The following RNF125 variants were observed in gnomAD, a reference collection of about 807,000 sequenced individuals.
The protein encoded by RNF125 is E3 ubiquitin-protein ligase RNF125.
A neutral mutation model predicts 26.0 loss-of-function variants in RNF125; 21 were observed. The observed-to-expected ratio is 0.81, with a 90% CI of 0.57 to 1.16. RNF125 has a LOEUF of 1.16. Among genes scored for constraint, RNF125 ranks in the 50% most tolerant of loss-of-function variants. The pLI, the probability that RNF125 is intolerant of heterozygous loss-of-function variation, is 0.00. For synonymous variants in RNF125, 95 were observed against 109.2 expected (o/e 0.87, Z 0.81); for missense variants, 270 against 299.4 (o/e 0.90, Z 0.72).
At chr18:32,052,637 T>C (rs1381151101) in intron 4 of RNF125, among the ~76,000 whole-genome samples, 1 of 152,186 alleles carries the variant, frequency 6.6e-6, no homozygotes, top group African/African-American at 2.4e-5. Context: ...CAAATGGCAC[T>C]TGTCATCACA....
chr18:32,061,276 G>A (rs573108059), intron 4 of RNF125, among the ~76,000 whole-genome samples: 31 of 151,632 alleles, frequency 2.0e-4, no homozygotes, highest in African/African-American at 7.3e-4. Context: ...CGCCCACCTT[G>A]CCCTCCCAAA....
downstream of RNF125, among the ~76,000 whole-genome samples, chr18:32,074,136 T>C (rs1323768112): frequency 6.6e-6 from 1 of 152,226 alleles, no homozygotes; most frequent in Non-Finnish European, 1.5e-5. Context: ...CTGTGGTTCC[T>C]GGCTCTTCTC....
intron 1 of RNF125, among the ~76,000 whole-genome samples, chr18:32,028,727 A>AT (rs988372541): frequency 2.7e-5 from 4 of 150,066 alleles, no homozygotes; most frequent in Non-Finnish European, 5.9e-5. Flanking sequence ...TAATTTTTGT[A>AT]TTTTTTAGTA....
intron 4 of RNF125, among the ~76,000 whole-genome samples, chr18:32,050,873 T>C (rs1398881616): frequency 8.6e-5 from 9 of 104,148 alleles, no homozygotes; most frequent in Non-Finnish European, 1.4e-4. Flanking sequence ...TGCTTTTTTT[T>C]TTTTTTTTTT....
At chr18:32,020,666 T>G (rs565469629) in intron 1 of RNF125, among the ~76,000 whole-genome samples, 1 of 151,758 alleles carries the variant, frequency 6.6e-6, no homozygotes, top group East Asian at 2.0e-4. Context: ...CCTAGCACTT[T>G]GGGAAGCCGA....
At chr18:32,079,518 A>T in the RNF125 span, among the ~76,000 whole-genome samples, 2 of 152,212 alleles carry the variant, frequency 1.3e-5, no homozygotes, top group Admixed American at 6.5e-5. Flanking sequence ...ATGGGGAGCA[A>T]AATTATAATG....
intron 4 of RNF125, among the ~76,000 whole-genome samples, chr18:32,052,377 C>T (rs148010875): frequency 0.07 from 10,581 of 151,302 alleles, 490 homozygotes; most frequent in Non-Finnish European, 0.1. Flanking sequence ...TCTGTAGTCC[C>T]GGCTGCTCAG....
the RNF125 span, among the ~76,000 whole-genome samples, chr18:32,085,420 C>T: frequency 7.8e-6 from 1 of 127,988 alleles, no homozygotes; most frequent in Non-Finnish European, 1.6e-5. Context: ...AGAGAGAAAG[C>T]TGGGTGAGGG....
In RNF125 at chr18:32,037,017, C is replaced by A. The variant is rs146166306; in HGVS notation, c.165-99C>A. 5.6e-4 allele frequency: 598 copies of A among 1,068,096 alleles called. 3 individuals carry two copies. In the African/African-American group the frequency reaches 8.4e-3, roughly 15 times the overall value. 66.2% of individuals were successfully genotyped at this position (1,068,096 alleles called of 1,614,324 possible). A position where few individuals can be genotyped will look rare whatever the true frequency, so the allele number is the denominator to read the frequency against. Reference sequence around the variant, plus strand: ...ATTTGGTAGTATGGCTCATGGGGTACGAGGTGTCATTAAATTACAGTTTAC... The same window carrying A: ...ATTTGGTAGTATGGCTCATGGGGTAAGAGGTGTCATTAAATTACAGTTTAC... On this transcript the variant is annotated intron_variant, in intron 1 of 5. Transcript: ENST00000217740.
chr18:32,073,052 T>C lies in RNF125; in HGVS notation c.*4668T>C, dbSNP rs569762002. 7.0e-6 allele frequency: 1 copy of C among 143,460 alleles called. No individual in the cohort carries two copies. The highest frequency in any genetic ancestry group is 2.3e-4 in the South Asian group (1 of 4,384). 8.9% of individuals were successfully genotyped at this position (143,460 alleles called of 1,614,324 possible). A position where few individuals can be genotyped will look rare whatever the true frequency, so the allele number is the denominator to read the frequency against. On this transcript the variant is annotated 3_prime_UTR_variant, in exon 6 of 6. Transcript: ENST00000217740. ...CATTGAAGGTATTTTAAAAAGTCAC[T>C]AAGAGATTCATTCTTTTATTATTCA... is the stretch of plus-strand genomic sequence containing the variant.
intron 1 of RNF125, chr18:32,030,933 C>T (rs559298975): frequency 1.3e-5 from 2 of 152,238 alleles, no homozygotes; most frequent in South Asian, 4.1e-4. Context: ...AACTCCTGGG[C>T]TCAAGTGATC....
chr18:32,055,542 C>T (rs538025598), intron 4 of RNF125, among the ~76,000 whole-genome samples: 14 of 152,174 alleles, frequency 9.2e-5, no homozygotes, highest in East Asian at 3.9e-4. Context: ...AGAATGAACG[C>T]GGGAGGAACT....
chr18:32,026,513 T>C (rs1239580389), intron 1 of RNF125, among the ~76,000 whole-genome samples: 1 of 152,134 alleles, frequency 6.6e-6, no homozygotes, highest in Non-Finnish European at 1.5e-5. Context: ...GTGCTGGGAT[T>C]ACAGGTGTGA....
chr18:32,038,743 G>A (rs2039186304), intron 2 of RNF125, among the ~76,000 whole-genome samples: 1 of 152,112 alleles, frequency 6.6e-6, no homozygotes, highest in Admixed American at 6.6e-5. Flanking sequence ...AAGTTTTGGA[G>A]TGCCAAGATC....
chr18:32,036,362 T>C (rs2039154135), intron 1 of RNF125, among the ~76,000 whole-genome samples: 2 of 151,774 alleles, frequency 1.3e-5, no homozygotes, highest in Non-Finnish European at 2.9e-5. Context: ...AAATAGATAT[T>C]ATGTGCTGAG....
intron 4 of RNF125, among the ~76,000 whole-genome samples, chr18:32,063,242 A>AAG (rs1555694374): frequency 6.6e-6 from 1 of 151,560 alleles, no homozygotes; most frequent in Admixed American, 6.6e-5. Context: ...AAAAAAAAAA[A>AAG]AAGAAGAATA....
chr18:32,044,109 C>T (rs1189036438), intron 3 of RNF125, among the ~76,000 whole-genome samples: 2 of 151,880 alleles, frequency 1.3e-5, no homozygotes, highest in Non-Finnish European at 2.9e-5. Flanking sequence ...CGGGTTCAAG[C>T]GATTCTCCTG....
rs1459497233 is a variant in RNF125, at chr18:32,046,576, G to A, written c.504+844G>A. 3.8e-5 allele frequency among the ~76,000 whole-genome samples: 5 copies of A among 130,988 alleles called. 1 individual carries two copies. The Middle Eastern group carries it at 0.028, about 736-fold the overall frequency. The allele number at this position is 130,988 out of a possible 152,430, so 85.9% of individuals were successfully genotyped here. On this transcript the variant is annotated intron_variant, in intron 4 of 5. Transcript: ENST00000217740. ...CGTGCCACTGCACTCCAGCCTGAGCGACAGAGCGAGACTCTGTCTCAAAAA... is the reference window on the plus strand; with the variant it reads ...CGTGCCACTGCACTCCAGCCTGAGCAACAGAGCGAGACTCTGTCTCAAAAA...
intron 4 of RNF125, among the ~76,000 whole-genome samples, chr18:32,065,483 G>A (rs1427820413): frequency 1.3e-5 from 2 of 151,730 alleles, no homozygotes; most frequent in African/African-American, 2.4e-5. Flanking sequence ...TGATCCACCC[G>A]CCTCAACCTC....
Sources: gnomAD v4.1 joint callset for allele counts (sites outside exome capture counted in the v4.1 genomes callset) on GRCh38, gnomAD v4.1.1 for gene constraint, MANE v1.5 for transcripts, NCBI Gene and HGNC (gene_info 2026-07-23, HGNC 2026-07-21) for gene names.